NHLRC2: variants seen among roughly 807,000 people sequenced by gnomAD.
NHLRC2 encodes the protein NHL repeat-containing protein 2.
A neutral mutation model predicts 68.1 loss-of-function variants in NHLRC2; 33 were observed. The ratio of observed to expected loss-of-function variants is 0.48; its 90% CI spans 0.37 to 0.65. The LOEUF (loss-of-function observed/expected upper bound fraction) is 0.65, where lower values mean the gene tolerates loss of function less well. NHLRC2 is among the 30% of genes least tolerant of loss of function. The probability of loss-of-function intolerance (pLI) is 0.00; values close to 1 mark genes in which losing one functional copy is unlikely to be tolerated. For missense variants in NHLRC2, 761 were observed against 853.8 expected (o/e 0.89, Z 1.35); for synonymous variants, 311 against 309.6 (o/e 1.00, Z -0.05).
rs115121580 is a variant in NHLRC2 at position 113,875,042 on chromosome 10, G to C, written c.332-1479G>C. Among the ~76,000 whole-genome samples the C allele has an allele frequency of 5.5e-3, 829 of 150,638 alleles. 7 individuals carry two copies. The highest frequency in any genetic ancestry group is 0.018 in the African/African-American group (751 of 40,970). On this transcript the variant is annotated intron_variant, in intron 2 of 10. Coordinates refer to ENST00000369301, the MANE Select transcript of NHLRC2 (RefSeq NM_198514.4). ...CTTTATCTTGGCATCGGTATCTGTT[G>C]CTTGTTTTTTTTGCCCCCTACCTTG...
chr10:113,888,005 G>T (rs1846097557), intron 5 of NHLRC2, among the ~76,000 whole-genome samples: 1 of 152,090 alleles, frequency 6.6e-6, no homozygotes, highest in African/African-American at 2.4e-5. Context: ...TAAGGTGAGA[G>T]GATTTCTTAA....
chr10:113,904,501 T>C (rs1344984941), intron 9 of NHLRC2, among the ~76,000 whole-genome samples: 1 of 152,230 alleles, frequency 6.6e-6, no homozygotes, highest in African/African-American at 2.4e-5. Flanking sequence ...ATGAAAATTA[T>C]AAGAAAATGT....
chr10:113,880,996 T>C (rs531887078), intron 4 of NHLRC2, among the ~76,000 whole-genome samples: 7 of 151,918 alleles, frequency 4.6e-5, no homozygotes, highest in Non-Finnish European at 7.4e-5. Context: ...TCTAAACTTA[T>C]TTGACCAGAG....
chr10:113,891,994 T>C (rs895762516), intron 5 of NHLRC2, among the ~76,000 whole-genome samples: 2 of 152,196 alleles, frequency 1.3e-5, no homozygotes, highest in Non-Finnish European at 2.9e-5. Flanking sequence ...ATCTACCTTT[T>C]CCACAGCTGT....
intron 10 of NHLRC2, among the ~76,000 whole-genome samples, chr10:113,906,015 C>G (rs898626496): frequency 1.2e-4 from 18 of 152,276 alleles, no homozygotes; most frequent in African/African-American, 4.3e-4. Flanking sequence ...CAGAAGAATA[C>G]TCAAACCCTG....
At chr10:113,867,928 T>C (rs1331431584) in intron 2 of NHLRC2, among the ~76,000 whole-genome samples, 1 of 152,072 alleles carries the variant, frequency 6.6e-6, no homozygotes, top group Non-Finnish European at 1.5e-5. Flanking sequence ...GCTTTAAAAA[T>C]ATGTATTTTA....
intron 2 of NHLRC2, among the ~76,000 whole-genome samples, chr10:113,860,806 A>T: frequency 6.6e-6 from 1 of 152,252 alleles, no homozygotes; most frequent in East Asian, 1.9e-4. Flanking sequence ...AGGCTCCTTG[A>T]CTTATAGTGC....
chr10:113,895,105 A>G (rs59369516), intron 5 of NHLRC2, among the ~76,000 whole-genome samples: 9,786 of 152,268 alleles, frequency 0.064, 1,006 homozygotes, highest in African/African-American at 0.22. Context: ...CCCATTCAGC[A>G]TCATTGTTTG....
At chr10:113,895,889 G>A (rs1021585513) in intron 5 of NHLRC2, among the ~76,000 whole-genome samples, 1 of 152,128 alleles carries the variant, frequency 6.6e-6, no homozygotes, top group Non-Finnish European at 1.5e-5. Context: ...TGGGAGAACT[G>A]GGTAGAGGAC....
intron 8 of NHLRC2, among the ~76,000 whole-genome samples, 163 bp downstream of exon 8, chr10:113,902,756 C>T (rs757033203): frequency 3.9e-5 from 6 of 152,208 alleles, no homozygotes; most frequent in Admixed American, 3.9e-4. Context: ...TTGGTCCTTT[C>T]TTTGCCAAGA....
chr10:113,908,690 CCTTA>C lies in NHLRC2; in HGVS notation c.*162_*165del, dbSNP rs1316868472. 2 of 667,884 alleles carry C rather than the reference CCTTA, an allele frequency of 3.0e-6. No homozygotes were observed. Among genetic ancestry groups the C allele is most frequent in the Non-Finnish European group, 5.0e-6 (2 of 398,704 alleles). The allele number at this position is 667,884 out of a possible 1,614,324, so 41.4% of individuals were successfully genotyped here. ...ACTGATATTAAAATAAAGCTATGCTCCTTACTTACTTCTTTTATTATAAACAAAT... is the reference window on the plus strand; with the variant it reads ...ACTGATATTAAAATAAAGCTATGCTCCTTACTTCTTTTATTATAAACAAAT... On this transcript the variant is annotated 3_prime_UTR_variant, in exon 11 of 11. Transcript: ENST00000369301.
rs1208297316 is a variant in NHLRC2 at position 113,914,493 on chromosome 10, A to G, written c.*5957A>G. 1 of 163,268 alleles carries G rather than the reference A, an allele frequency of 6.1e-6. No homozygotes were observed. Among genetic ancestry groups the G allele is most frequent in the Non-Finnish European group, 1.3e-5 (1 of 75,302 alleles). The allele number at this position is 163,268 out of a possible 1,614,324, so 10.1% of individuals were successfully genotyped here. ...CACTAAATACTATTAAAAGGAATTA[A>G]GCAAAATGCTACGTACCAATGATTA... is the stretch of plus-strand genomic sequence containing the variant. On this transcript the variant is annotated 3_prime_UTR_variant, in exon 11 of 11. Transcript: ENST00000369301.
intron 5 of NHLRC2, among the ~76,000 whole-genome samples, chr10:113,888,195 A>G (rs1274931802): frequency 6.6e-6 from 1 of 152,216 alleles, no homozygotes; most frequent in Non-Finnish European, 1.5e-5. Context: ...AGGTTGATCA[A>G]AGGGTACAAA....
chr10:113,881,824 A>G (rs1051959200), intron 4 of NHLRC2, among the ~76,000 whole-genome samples: 3 of 151,716 alleles, frequency 2.0e-5, no homozygotes, highest in Admixed American at 6.6e-5. Context: ...TTCATCCCCC[A>G]AGTAAGAACC....
At chr10:113,905,946 A>G (rs570344480) in intron 10 of NHLRC2, among the ~76,000 whole-genome samples, 1 of 152,156 alleles carries the variant, frequency 6.6e-6, no homozygotes, top group Admixed American at 6.5e-5. Context: ...ACCCCTTGTC[A>G]CTTCCCACAA....
Position 113,855,099 on chromosome 10 carries a change from C to T in NHLRC2, c.178+49C>T, listed in dbSNP as rs1375702271. On this transcript the variant is annotated intron_variant, in intron 1 of 10. Coordinates refer to ENST00000369301, the MANE Select transcript of NHLRC2 (RefSeq NM_198514.4). ...GGGCCCCTCCCGGCACCTCCCCTTC[C>T]TCGGGGACGGCGCCCTCCCGCGAAG... 13 of 1,475,476 alleles carry T rather than the reference C, an allele frequency of 8.8e-6. No homozygotes were observed. The Admixed American group carries it at 1.0e-4, about 11-fold the overall frequency. 91.4% of individuals were successfully genotyped at this position (1,475,476 alleles called of 1,614,324 possible). A position where few individuals can be genotyped will look rare whatever the true frequency, so the allele number is the denominator to read the frequency against.
chr10:113,876,497 TA>T, intron 2 of NHLRC2, 23 bp from the exon 3 acceptor site: 1 of 1,337,292 alleles, frequency 7.5e-7, no homozygotes, highest in Non-Finnish European at 1.0e-6. Context: ...TAATAATGTT[TA>T]ACATATAATT....
Position 113,871,504 on chromosome 10 carries a change from G to GGT in NHLRC2, c.332-5016_332-5015dup, listed in dbSNP as rs1212932973. On this transcript the variant is annotated intron_variant, in intron 2 of 10. Transcript: ENST00000369301. ...TTTATTGTTAAACAATAGTAGAGAT[G>GGT]GTAGGCATTTTTTTCCTTATTCTTT... Among the ~76,000 whole-genome samples the GGT allele has an allele frequency of 2.0e-5, 3 of 152,080 alleles. No individual in the cohort carries two copies. In the East Asian group the frequency reaches 5.8e-4, roughly 29 times the overall value.
intron 2 of NHLRC2, among the ~76,000 whole-genome samples, chr10:113,869,199 A>G (rs2134697582): frequency 6.6e-6 from 1 of 152,344 alleles, no homozygotes; most frequent in Non-Finnish European, 1.5e-5. Context: ...TGATAAGAGC[A>G]ATAGGACTTG....
Sources: gnomAD v4.1 joint callset for allele counts (sites outside exome capture counted in the v4.1 genomes callset) on GRCh38, gnomAD v4.1.1 for gene constraint, MANE v1.5 for transcripts, NCBI Gene and HGNC (gene_info 2026-07-23, HGNC 2026-07-21) for gene names.